The following RASAL2 variants were observed in gnomAD, a reference collection of about 807,000 sequenced individuals.
RASAL2 encodes ras GTPase-activating protein nGAP.
Under a neutral mutation model 128.9 loss-of-function variants are expected in RASAL2, and 58 were observed. That is an observed-to-expected ratio of 0.45 (90% confidence interval 0.36 to 0.56). RASAL2 has a LOEUF of 0.56. Ranked by LOEUF, RASAL2 falls within the 20% of genes least tolerant of loss-of-function variation. The pLI is 0.00. For missense variants in RASAL2, 1,360 were observed against 1,601.6 expected (o/e 0.85, Z 2.57); for synonymous variants, 561 against 580.8 (o/e 0.97, Z 0.49).
chr1:178,469,022 G>A (rs1400956375), intron 17 of RASAL2, among the ~76,000 whole-genome samples: 1 of 152,178 alleles, frequency 6.6e-6, no homozygotes, highest in African/African-American at 2.4e-5. Flanking sequence ...TCTTGGCCAG[G>A]CAAGGTGGCT....
chr1:178,327,036 A>G (rs1052224097), intron 3 of RASAL2, among the ~76,000 whole-genome samples: 1 of 152,244 alleles, frequency 6.6e-6, no homozygotes, highest in South Asian at 2.1e-4. Flanking sequence ...CAAGTTTCAT[A>G]TAGTAATATT....
chr1:178,117,327 G>T (rs1297769138), intron 1 of RASAL2, among the ~76,000 whole-genome samples: 6 of 152,128 alleles, frequency 3.9e-5, no homozygotes, highest in Non-Finnish European at 7.4e-5. Context: ...TAACCATTCT[G>T]TTTAAGCATT....
intron 1 of RASAL2, among the ~76,000 whole-genome samples, chr1:178,110,811 C>T (rs909600120): frequency 6.6e-6 from 1 of 151,812 alleles, no homozygotes; most frequent in Non-Finnish European, 1.5e-5. Context: ...TGATCTCGAA[C>T]TCCTGAGCTC....
At chr1:178,331,618 G>T (rs111569309) in intron 3 of RASAL2, among the ~76,000 whole-genome samples, 1,778 of 119,384 alleles carry the variant, frequency 0.015, 41 homozygotes, top group African/African-American at 0.057. Flanking sequence ...ACAGATTCTC[G>T]CACTGTCATC....
chr1:178,473,440 C>G lies in RASAL2; in HGVS notation c.*201C>G. 1.6e-6 allele frequency: 1 copy of G among 620,078 alleles called. No homozygotes were observed. Among genetic ancestry groups the G allele is most frequent in the Non-Finnish European group, 2.8e-6 (1 of 358,416 alleles). The allele number at this position is 620,078 out of a possible 1,614,324, so 38.4% of individuals were successfully genotyped here. A position where few individuals can be genotyped will look rare whatever the true frequency, so the allele number is the denominator to read the frequency against. ...AGGTCAATGCTTTTCCCCCACATCT[C>G]TATGTACATAGGGAACTTAGTTCTG... is the stretch of plus-strand genomic sequence containing the variant. On this transcript the variant is annotated 3_prime_UTR_variant, in exon 18 of 18. Coordinates refer to ENST00000367649, the MANE Select transcript of RASAL2 (RefSeq NM_170692.4).
intron 1 of RASAL2, among the ~76,000 whole-genome samples, chr1:178,231,566 GTAT>G (rs1664009209): frequency 6.6e-6 from 1 of 151,920 alleles, no homozygotes; most frequent in Admixed American, 6.5e-5. Flanking sequence ...CCATTTTCCT[GTAT>G]TAGTTTTGCT....
At chr1:178,447,260 A>C (rs896737082) in intron 9 of RASAL2, among the ~76,000 whole-genome samples, 3 of 151,914 alleles carry the variant, frequency 2.0e-5, no homozygotes, top group African/African-American at 7.3e-5. Flanking sequence ...AGTTCGAGGC[A>C]GCAGTGAGCT....
At chr1:178,356,796 C>G (rs191456545) in intron 3 of RASAL2, among the ~76,000 whole-genome samples, 2 of 151,620 alleles carry the variant, frequency 1.3e-5, no homozygotes, top group African/African-American at 4.8e-5. Context: ...CTTGCTATGG[C>G]GGTATTATAA....
intron 4 of RASAL2, among the ~76,000 whole-genome samples, chr1:178,404,684 A>ATTT (rs61625303): frequency 4.6e-4 from 51 of 110,316 alleles, no homozygotes; most frequent in Middle Eastern, 5.6e-3. Context: ...TGGCCCCCCA[A>ATTT]TTTTTTTTTT....
At chr1:178,261,481 C>T (rs935185514) in intron 1 of RASAL2, among the ~76,000 whole-genome samples, 4 of 152,096 alleles carry the variant, frequency 2.6e-5, no homozygotes, top group Admixed American at 2.6e-4. Flanking sequence ...CCAGCTAACA[C>T]AAACAAGTTT....
At chr1:178,297,607 CAA>C (rs34825546) in intron 2 of RASAL2, among the ~76,000 whole-genome samples, 151 of 57,218 alleles carry the variant, frequency 2.6e-3, no homozygotes, top group African/African-American at 6.9e-3. Flanking sequence ...GACTCCATCT[CAA>C]AAAAAAAAAA....
intron 1 of RASAL2, among the ~76,000 whole-genome samples, chr1:178,161,777 T>G (rs903953737): frequency 3.9e-5 from 6 of 152,058 alleles, no homozygotes; most frequent in African/African-American, 1.4e-4. Flanking sequence ...TTTTTTTTAT[T>G]ATAGCCTTCC....
rs1669868410 is a variant in RASAL2, at chr1:178,341,367, A to T, written c.457+41249A>T. 4.7e-6 allele frequency: 6 copies of T among 1,286,740 alleles called. No homozygotes were observed. In the African/African-American group the frequency reaches 7.6e-5, roughly 16 times the overall value. 79.7% of individuals were successfully genotyped at this position (1,286,740 alleles called of 1,614,324 possible). ...GAGTAAGGAAGGGTGGCTATTGTTT[A>T]GTGCTCTCTAGCAAAAGAATGGGAT... is the stretch of plus-strand genomic sequence containing the variant. On this transcript the variant is annotated intron_variant, in intron 3 of 17. Transcript: ENST00000367649.
chr1:178,321,105 C>A (rs577453591), intron 3 of RASAL2, among the ~76,000 whole-genome samples: 1 of 151,988 alleles, frequency 6.6e-6, no homozygotes, highest in Non-Finnish European at 1.5e-5. Context: ...TTTTTTGAGG[C>A]GGAGTCTCAT....
intron 5 of RASAL2, among the ~76,000 whole-genome samples, chr1:178,429,016 T>G (rs1012168042): frequency 1.3e-5 from 2 of 152,102 alleles, no homozygotes; most frequent in African/African-American, 2.4e-5. Flanking sequence ...TAACAGAAAT[T>G]TGAAGCTGAC....
At chr1:178,293,187 A>C (rs1278711558) in intron 2 of RASAL2, among the ~76,000 whole-genome samples, 1 of 152,222 alleles carries the variant, frequency 6.6e-6, no homozygotes, top group Non-Finnish European at 1.5e-5. Flanking sequence ...CCCCGTAACA[A>C]ATTTAGTGGT....
intron 3 of RASAL2, among the ~76,000 whole-genome samples, chr1:178,361,100 A>C (rs976072000): frequency 6.6e-6 from 1 of 152,344 alleles, no homozygotes; most frequent in South Asian, 2.1e-4. Flanking sequence ...TTGTAATGTT[A>C]ATGAATTTCT....
At chr1:178,223,941 T>G (rs1163407448) in intron 1 of RASAL2, among the ~76,000 whole-genome samples, 1 of 152,210 alleles carries the variant, frequency 6.6e-6, no homozygotes, top group African/African-American at 2.4e-5. Flanking sequence ...GACCAGATTT[T>G]AAAAGAAAGA....
intron 1 of RASAL2, among the ~76,000 whole-genome samples, chr1:178,110,446 A>G (rs1367858342): frequency 1.3e-5 from 2 of 150,374 alleles, no homozygotes; most frequent in African/African-American, 2.4e-5. Context: ...AGCTAATACA[A>G]TGTAAATTCT....
Sources: allele counts gnomAD v4.1 joint callset (sites outside exome capture counted in the v4.1 genomes callset), GRCh38; gene constraint gnomAD v4.1.1; transcripts MANE v1.5; gene names NCBI Gene and HGNC (gene_info 2026-07-23, HGNC 2026-07-21).